Variants in ZNG1B observed in about 807,000 individuals in gnomAD.
ZNG1B encodes Zn regulated GTPase metalloprotein activator 1B, also known as zinc-regulated GTPase metalloprotein activator 1B.
At chr2:113,454,406 A>G in the ZNG1B span, among the ~76,000 whole-genome samples, 1 of 151,618 alleles carries the variant, frequency 6.6e-6, no homozygotes, top group Non-Finnish European at 1.5e-5. Flanking sequence ...ATCACATTTG[A>G]CTATGTTATG....
chr2:113,438,816 A>G, the ZNG1B span, among the ~76,000 whole-genome samples: 1 of 152,258 alleles, frequency 6.6e-6, no homozygotes, highest in African/African-American at 2.4e-5. Context: ...AGAAATGTAA[A>G]TAAAATGATA....
At chr2:113,455,793 T>C in the ZNG1B span, 1 of 343,622 alleles carries the variant, frequency 2.9e-6, no homozygotes, top group Non-Finnish European at 5.4e-6. Flanking sequence ...CCATCTTGGC[T>C]CACTGCAACC....
the ZNG1B span, among the ~76,000 whole-genome samples, chr2:113,463,672 A>G: frequency 1.3e-5 from 2 of 152,106 alleles, no homozygotes; most frequent in South Asian, 4.1e-4. Context: ...TTGTCTTCTT[A>G]GGGAGCTTAT....
At chr2:113,481,976 T>G in the ZNG1B span, 460 of 876,402 alleles carry the variant, frequency 5.2e-4, 1 homozygote, top group East Asian at 4.2e-3. Flanking sequence ...AATGTGTGGG[T>G]TTTTTTTAAG....
the ZNG1B span, among the ~76,000 whole-genome samples, chr2:113,472,176 C>G: frequency 9.3e-5 from 14 of 151,280 alleles, no homozygotes; most frequent in East Asian, 2.8e-3. Flanking sequence ...GATTGCCATT[C>G]TAACTGGTGT....
At chr2:113,447,969 A>G in the ZNG1B span, 4 of 389,966 alleles carry the variant, frequency 1.0e-5, no homozygotes, top group East Asian at 1.4e-4. Context: ...ACTCCTATTC[A>G]TGTTGATACT....
the ZNG1B span, among the ~76,000 whole-genome samples, chr2:113,472,310 C>A: frequency 1.3e-5 from 2 of 152,100 alleles, no homozygotes; most frequent in African/African-American, 2.4e-5. Context: ...TCATGTCCTT[C>A]ACCCACTTTT....
chr2:113,465,392 A>G, the ZNG1B span, among the ~76,000 whole-genome samples: 136 of 152,290 alleles, frequency 8.9e-4, no homozygotes, highest in African/African-American at 3.2e-3. Flanking sequence ...TTACAAAGCC[A>G]TGATAACACT....
chr2:113,453,123 T>C, the ZNG1B span: 3 of 1,574,664 alleles, frequency 1.9e-6, no homozygotes, highest in African/African-American at 4.1e-5. Context: ...ATTTGATGAA[T>C]ATTATATATT....
the ZNG1B span, among the ~76,000 whole-genome samples, chr2:113,467,162 A>AT: frequency 6.6e-5 from 10 of 151,068 alleles, no homozygotes; most frequent in South Asian, 4.2e-4. Context: ...GTTTTTTAAA[A>AT]TTTTTTTACC....
At chr2:113,461,462 A>G in the ZNG1B span, among the ~76,000 whole-genome samples, 1 of 151,968 alleles carries the variant, frequency 6.6e-6, no homozygotes, top group Admixed American at 6.6e-5. Context: ...AATAGAAAAT[A>G]GCCAGATTGG....
chr2:113,459,943 G>A, the ZNG1B span, among the ~76,000 whole-genome samples: 1 of 147,706 alleles, frequency 6.8e-6, no homozygotes, highest in African/African-American at 2.5e-5. Flanking sequence ...CCAGAGAGAT[G>A]AAAACTACCA....
At chr2:113,453,297 G>A in the ZNG1B span, 6 of 1,547,920 alleles carry the variant, frequency 3.9e-6, no homozygotes, top group Admixed American at 4.1e-5. Flanking sequence ...AGACTGGAGT[G>A]CATGGAGTGC....
the ZNG1B span, chr2:113,445,317 A>G: frequency 2.6e-6 from 1 of 378,056 alleles, no homozygotes; most frequent in African/African-American, 2.1e-5. Context: ...TAAGAACAGA[A>G]GTTGTTAAAA....
the ZNG1B span, among the ~76,000 whole-genome samples, chr2:113,478,880 C>T: frequency 6.6e-6 from 1 of 150,808 alleles, no homozygotes; most frequent in Non-Finnish European, 1.5e-5. Flanking sequence ...GTTATTCCTC[C>T]TTCTCAGTTT....
the ZNG1B span, among the ~76,000 whole-genome samples, chr2:113,471,817 CT>C: frequency 2.6e-5 from 4 of 151,952 alleles, no homozygotes; most frequent in African/African-American, 9.7e-5. Context: ...TGAACCCATC[CT>C]TTTTTATGGC....
the ZNG1B span, among the ~76,000 whole-genome samples, chr2:113,442,972 GT>G: frequency 3.4e-4 from 49 of 142,540 alleles, no homozygotes; most frequent in African/African-American, 3.9e-4. Flanking sequence ...AAAAGTTTAG[GT>G]TTTTTTTTTT....
At chr2:113,453,179 G>A in the ZNG1B span, 9 of 1,594,072 alleles carry the variant, frequency 5.6e-6, no homozygotes, top group Non-Finnish European at 6.0e-6. Flanking sequence ...CTGAATTAGG[G>A]AGTGATATTT....
the ZNG1B span, chr2:113,460,722 A>T: frequency 6.3e-7 from 1 of 1,594,038 alleles, no homozygotes; most frequent in Non-Finnish European, 8.5e-7. Context: ...GCTACTAGGT[A>T]TTCATATTTA....
Sources: gnomAD v4.1 joint callset for allele counts (sites outside exome capture counted in the v4.1 genomes callset) on GRCh38, gnomAD v4.1.1 for gene constraint, MANE v1.5 for transcripts, NCBI Gene and HGNC (gene_info 2026-07-23, HGNC 2026-07-21) for gene names.